RORA: variants seen among roughly 807,000 people sequenced by gnomAD.
The protein encoded by RORA is RAR related orphan receptor A, also known as nuclear receptor ROR-alpha.
RORA carries 7 observed loss-of-function variants against 69.5 expected under a neutral mutation model. The observed-to-expected ratio is 0.10, with a 90% CI of 0.06 to 0.19. The LOEUF (loss-of-function observed/expected upper bound fraction) is 0.19, where lower values mean the gene tolerates loss of function less well. RORA is among the 10% of genes least tolerant of loss of function. RORA has a pLI of 1.00. For synonymous variants in RORA, 261 were observed against 240.8 expected (o/e 1.08, Z -0.78); for missense variants, 457 against 663.0 (o/e 0.69, Z 3.41).
intron 1 of RORA, among the ~76,000 whole-genome samples, chr15:60,960,642 CT>C (rs1227628217): frequency 0.032 from 4,431 of 138,816 alleles, 215 homozygotes; most frequent in African/African-American, 0.1. Flanking sequence ...GCACACAAAT[CT>C]TTTTTTTTTT....
At chr15:60,525,919 T>TCTGGCTA (rs1332718960) in intron 3 of RORA, among the ~76,000 whole-genome samples, 2 of 152,072 alleles carry the variant, frequency 1.3e-5, no homozygotes, top group African/African-American at 4.8e-5. Context: ...AAGTTAATTA[T>TCTGGCTA]CTGGCTAGAG....
At chr15:60,649,298 C>T (rs2070105926) in intron 2 of RORA, among the ~76,000 whole-genome samples, 1 of 151,896 alleles carries the variant, frequency 6.6e-6, no homozygotes, top group African/African-American at 2.4e-5. Flanking sequence ...CTGGCACTTT[C>T]TCCTTGTGTT....
chr15:60,981,562 T>C (rs1894045899), intron 1 of RORA, among the ~76,000 whole-genome samples: 1 of 152,144 alleles, frequency 6.6e-6, no homozygotes, highest in South Asian at 2.1e-4. Context: ...ATTCTTTCTT[T>C]GGTCTGTTCA....
intron 1 of RORA, among the ~76,000 whole-genome samples, chr15:61,058,804 A>T (rs2078130921): frequency 6.6e-6 from 1 of 152,188 alleles, no homozygotes; most frequent in Non-Finnish European, 1.5e-5. Context: ...CTAGGCAAGG[A>T]CAACGTCTCT....
rs991305409 is a variant in RORA, at chr15:60,546,127, G to C, written c.197-14276C>G. 8 of 152,300 alleles carry C rather than the reference G, an allele frequency of 5.3e-5. No individual in the cohort carries two copies. The East Asian group carries it at 1.5e-3, about 29-fold the overall frequency. The allele number at this position is 152,300 out of a possible 1,614,324, so 9.4% of individuals were successfully genotyped here. ...AATACTATGTGGCATCTCCATCATG[G>C]TTGACATTGCTAGGCCCTACCTTAT... On this transcript the variant is annotated intron_variant, in intron 2 of 10. Coordinates refer to ENST00000335670, the MANE Select transcript of RORA (RefSeq NM_134261.3).
chr15:60,716,394 AGCCTGTT>A (rs2071219449), intron 1 of RORA, among the ~76,000 whole-genome samples: 1 of 152,224 alleles, frequency 6.6e-6, no homozygotes, highest in South Asian at 2.1e-4. Flanking sequence ...TAAAGGAGAC[AGCCTGTT>A]GCACTGGTCC....
chr15:60,544,626 T>G (rs1283712472), intron 2 of RORA, among the ~76,000 whole-genome samples: 1 of 152,214 alleles, frequency 6.6e-6, no homozygotes, highest in Non-Finnish European at 1.5e-5. Flanking sequence ...TAAAAGTTTT[T>G]TTTCCCTTCA....
chr15:60,651,793 A>T (rs991033427), intron 2 of RORA, among the ~76,000 whole-genome samples: 2 of 152,150 alleles, frequency 1.3e-5, no homozygotes, highest in Admixed American at 1.3e-4. Context: ...CACTTTAGCC[A>T]CCTAAATCTG....
At position 60,745,674 on chromosome 15, in the gene RORA, C is replaced by A. The variant is rs146586127; in HGVS notation, c.167-66988G>T. On this transcript the variant is annotated intron_variant, in intron 1 of 10. Coordinates refer to ENST00000335670, the MANE Select transcript of RORA (RefSeq NM_134261.3). ...CTGTCTTGTTGGCCTGTGTCTAAAC[C>A]TCTTGAGCGATTCCAGCTGCTGAGC... Among the ~76,000 whole-genome samples, 18 of 152,332 alleles carry A rather than the reference C, an allele frequency of 1.2e-4. No individual in the cohort carries two copies. The East Asian group carries it at 3.1e-3, about 26-fold the overall frequency.
At chr15:60,762,154 T>A (rs2071903922) in intron 1 of RORA, among the ~76,000 whole-genome samples, 1 of 152,330 alleles carries the variant, frequency 6.6e-6, no homozygotes, top group East Asian at 1.9e-4. Flanking sequence ...TTTATGAATC[T>A]TTATTTTCCA....
At chr15:60,541,477 A>G (rs2066870493) in intron 2 of RORA, among the ~76,000 whole-genome samples, 1 of 152,242 alleles carries the variant, frequency 6.6e-6, no homozygotes, top group African/African-American at 2.4e-5. Flanking sequence ...TAATTACAAC[A>G]TATAAGCTCA....
At chr15:60,691,856 A>AG (rs1478981097) in intron 1 of RORA, among the ~76,000 whole-genome samples, 1 of 152,222 alleles carries the variant, frequency 6.6e-6, no homozygotes, top group Non-Finnish European at 1.5e-5. Context: ...GAAGCTGTAA[A>AG]GGTTATAACC....
In RORA at chr15:60,516,210, TA is replaced by T. The variant is rs1319441992; in HGVS notation, c.283-1454del. ...TTATATATATATTTATATATATATTTATATATATATATTTATATATATATTT... is the reference window on the plus strand; with the variant it reads ...TTATATATATATTTATATATATATTTTATATATATATTTATATATATATTT... On this transcript the variant is annotated intron_variant, in intron 3 of 10. Coordinates refer to ENST00000335670, the MANE Select transcript of RORA (RefSeq NM_134261.3). Among the ~76,000 whole-genome samples, 27 of 26,728 alleles carry T rather than the reference TA, an allele frequency of 1.0e-3. 1 individual carries two copies. Among genetic ancestry groups the T allele is most frequent in the African/African-American group, 8.6e-3 (27 of 3,138 alleles). 17.5% of individuals were successfully genotyped at this position (26,728 alleles called of 152,430 possible).
intron 1 of RORA, among the ~76,000 whole-genome samples, chr15:60,829,029 C>T (rs1324497082): frequency 1.3e-5 from 2 of 152,088 alleles, no homozygotes; most frequent in Non-Finnish European, 1.5e-5. Flanking sequence ...TTTTGCACAC[C>T]CCATGGGTCG....
At chr15:60,661,180 A>T (rs989227386) in intron 2 of RORA, among the ~76,000 whole-genome samples, 3 of 152,048 alleles carry the variant, frequency 2.0e-5, no homozygotes, top group Non-Finnish European at 2.9e-5. Context: ...ACCTTTATAT[A>T]AAAAAATCAC....
intron 1 of RORA, among the ~76,000 whole-genome samples, chr15:60,862,545 A>G (rs1361497846): frequency 6.6e-6 from 1 of 152,220 alleles, no homozygotes; most frequent in East Asian, 1.9e-4. Flanking sequence ...TATGGCAGAC[A>G]CTACTGGATT....
chr15:61,193,079 A>ATG (rs575949009), intron 1 of RORA, among the ~76,000 whole-genome samples: 1,667 of 84,204 alleles, frequency 0.02, 14 homozygotes, highest in Non-Finnish European at 0.032. Context: ...TCTCTCCTAT[A>ATG]TCTTTCAAAC....
chr15:61,223,652 C>T (rs1202897021), intron 1 of RORA, among the ~76,000 whole-genome samples: 1 of 152,180 alleles, frequency 6.6e-6, no homozygotes, highest in Non-Finnish European at 1.5e-5. Context: ...CCTTGTGGCA[C>T]CATAAGATTC....
chr15:60,935,784 C>T (rs972533154), intron 1 of RORA, among the ~76,000 whole-genome samples: 2 of 152,236 alleles, frequency 1.3e-5, no homozygotes, highest in African/African-American at 4.8e-5. Flanking sequence ...TGGACTTCAA[C>T]AGCCAGATGC....
Sources: gnomAD v4.1 joint callset for allele counts (sites outside exome capture counted in the v4.1 genomes callset) on GRCh38, gnomAD v4.1.1 for gene constraint, MANE v1.5 for transcripts, NCBI Gene and HGNC (gene_info 2026-07-23, HGNC 2026-07-21) for gene names.